Variants in DGKB observed in about 807,000 individuals in gnomAD.
The protein encoded by DGKB is diacylglycerol kinase beta, also known as 90 kDa diacylglycerol kinase.
DGKB carries 67 observed loss-of-function variants against 114.3 expected under a neutral mutation model. The observed-to-expected ratio is 0.59, with a 90% CI of 0.48 to 0.72. The LOEUF (loss-of-function observed/expected upper bound fraction) is 0.72. DGKB is among the 30% of genes least tolerant of loss of function. The pLI, the probability that DGKB is intolerant of heterozygous loss-of-function variation, is 0.00. For synonymous variants in DGKB, 398 were observed against 323.1 expected, an observed-to-expected ratio of 1.23 and a Z score of -2.49; for missense variants, 907 against 975.2, an observed-to-expected ratio of 0.93 and a Z score of 0.93.
intron 23 of DGKB, among the ~76,000 whole-genome samples, chr7:14,316,360 G>A (rs1420273533): frequency 3.0e-5 from 4 of 132,310 alleles, no homozygotes; most frequent in Non-Finnish European, 4.8e-5. Flanking sequence ...TTTTTTGAAA[G>A]GATCAACAAA....
chr7:14,827,908 G>A (rs1311052490), intron 2 of DGKB, among the ~76,000 whole-genome samples: 2 of 122,032 alleles, frequency 1.6e-5, no homozygotes, highest in Non-Finnish European at 3.3e-5. Flanking sequence ...ATAGACAACA[G>A]AAATATGAAC....
At chr7:14,340,283 A>G (rs1455599184) in intron 22 of DGKB, among the ~76,000 whole-genome samples, 8 of 148,792 alleles carry the variant, frequency 5.4e-5, no homozygotes, top group Non-Finnish European at 7.4e-5. Flanking sequence ...ACCGCTATAT[A>G]TTCTAGATAA....
intron 1 of DGKB, among the ~76,000 whole-genome samples, chr7:14,847,608 G>C (rs1259127672): frequency 6.6e-6 from 1 of 152,170 alleles, no homozygotes; most frequent in African/African-American, 2.4e-5. Context: ...TGATACGTGA[G>C]CTATTAAATT....
At chr7:14,239,274 T>G (rs10244653) in intron 23 of DGKB, among the ~76,000 whole-genome samples, 2 of 151,866 alleles carry the variant, frequency 1.3e-5, no homozygotes, top group African/African-American at 4.8e-5. Flanking sequence ...TTTACAGCTC[T>G]AAGAACATTA....
intron 1 of DGKB, among the ~76,000 whole-genome samples, chr7:14,944,269 A>G (rs2128256346): frequency 6.6e-6 from 1 of 152,014 alleles, no homozygotes; most frequent in Admixed American, 6.6e-5. Flanking sequence ...ATCCAGGAAT[A>G]CGAATTTATT....
At chr7:14,535,687 A>T (rs1027595971) in intron 20 of DGKB, among the ~76,000 whole-genome samples, 1 of 152,146 alleles carries the variant, frequency 6.6e-6, no homozygotes, top group Non-Finnish European at 1.5e-5. Context: ...TCCCATGTTC[A>T]AGCAATTCTC....
intron 23 of DGKB, among the ~76,000 whole-genome samples, chr7:14,281,361 C>T (rs1057048348): frequency 3.0e-4 from 39 of 130,968 alleles, no homozygotes; most frequent in African/African-American, 1.0e-3. Flanking sequence ...ATTCATAAAG[C>T]GAGTCCTGAG....
chr7:14,827,312 G>T (rs1380626275), intron 2 of DGKB, among the ~76,000 whole-genome samples: 1 of 152,070 alleles, frequency 6.6e-6, no homozygotes, highest in Non-Finnish European at 1.5e-5. Flanking sequence ...CCTGTGGAAT[G>T]GTCACACCTG....
intron 21 of DGKB, among the ~76,000 whole-genome samples, chr7:14,417,415 A>C (rs1825878790): frequency 1.3e-5 from 2 of 152,046 alleles, no homozygotes; most frequent in South Asian, 4.1e-4. Flanking sequence ...CTAAGCTATA[A>C]AATTTTTGAA....
chr7:14,156,105 C>G (rs1782983265), intron 25 of DGKB, among the ~76,000 whole-genome samples: 1 of 152,056 alleles, frequency 6.6e-6, no homozygotes, highest in South Asian at 2.1e-4. Flanking sequence ...GAAGTGCTAT[C>G]ATATAAACAT....
intron 25 of DGKB, among the ~76,000 whole-genome samples, chr7:14,163,728 C>T (rs1410165776): frequency 6.6e-6 from 1 of 152,180 alleles, no homozygotes; most frequent in Non-Finnish European, 1.5e-5. Flanking sequence ...CACAGTGACT[C>T]ACCCCTGTAA....
intron 9 of DGKB, among the ~76,000 whole-genome samples, chr7:14,689,815 T>C (rs1476513421): frequency 6.6e-6 from 1 of 152,164 alleles, no homozygotes; most frequent in Non-Finnish European, 1.5e-5. Context: ...GCTCCCAAAA[T>C]ATAATACATA....
chr7:14,522,735 T>C (rs1037203816), intron 20 of DGKB, among the ~76,000 whole-genome samples: 4 of 152,234 alleles, frequency 2.6e-5, no homozygotes, highest in Admixed American at 6.5e-5. Context: ...AAAGAATTAC[T>C]TGTTTTTGAC....
chr7:14,703,607 G>A (rs572057866), intron 6 of DGKB, among the ~76,000 whole-genome samples: 7 of 152,192 alleles, frequency 4.6e-5, no homozygotes, highest in Non-Finnish European at 1.0e-4. Context: ...CTAAGCAAAA[G>A]AAGCTTGCAC....
At chr7:14,647,751 G>A (rs180963454) in intron 13 of DGKB, among the ~76,000 whole-genome samples, 1 of 152,186 alleles carries the variant, frequency 6.6e-6, no homozygotes, top group Non-Finnish European at 1.5e-5. Flanking sequence ...TCTCACTAGG[G>A]AGTGCCAGAC....
chr7:14,314,136 C>CA (rs1268248429), intron 23 of DGKB, among the ~76,000 whole-genome samples: 8 of 152,106 alleles, frequency 5.3e-5, no homozygotes, highest in African/African-American at 9.7e-5. Flanking sequence ...ATCTGTACAT[C>CA]ACCATCATCA....
rs117600635 is a variant in DGKB, at chr7:14,433,147, A to G, written c.1835+45014T>C. ...CACACTCTCCCTGGGAGCACGTCGT[A>G]TCTATTGACTGGCTAGCAGGAAGAT... On this transcript the variant is annotated intron_variant, in intron 21 of 25. Coordinates refer to ENST00000402815, the MANE Select transcript of DGKB (RefSeq NM_001350709.2). Among the ~76,000 whole-genome samples the G allele has an allele frequency of 5.3e-5, 8 of 152,274 alleles. No individual in the cohort carries two copies. The East Asian group carries it at 1.5e-3, about 29-fold the overall frequency.
intron 2 of DGKB, among the ~76,000 whole-genome samples, chr7:14,806,188 A>G (rs1842774353): frequency 6.6e-6 from 1 of 151,998 alleles, no homozygotes; most frequent in Non-Finnish European, 1.5e-5. Context: ...TGCAGTCTTC[A>G]TGAAGACCTA....
chr7:14,392,111 G>A (rs1249052539), intron 21 of DGKB, among the ~76,000 whole-genome samples: 2 of 152,070 alleles, frequency 1.3e-5, no homozygotes, highest in East Asian at 1.9e-4. Flanking sequence ...ATACCAAAAT[G>A]TATCTATCTC....
Sources: gnomAD v4.1 joint callset for allele counts (sites outside exome capture counted in the v4.1 genomes callset) on GRCh38, gnomAD v4.1.1 for gene constraint, MANE v1.5 for transcripts, NCBI Gene and HGNC (gene_info 2026-07-23, HGNC 2026-07-21) for gene names.